Variants in SLC24A5 observed in about 807,000 individuals in gnomAD.
SLC24A5 encodes the protein solute carrier family 24 member 5.
Under a neutral mutation model 51.6 loss-of-function variants are expected in SLC24A5, and 46 were observed. The ratio of observed to expected loss-of-function variants is 0.89; its 90% CI spans 0.70 to 1.14. The LOEUF (loss-of-function observed/expected upper bound fraction) is 1.14. Ranked by LOEUF, SLC24A5 falls within the 50% of genes most tolerant of loss-of-function variation. The probability of loss-of-function intolerance (pLI) is 0.00; values close to 1 mark genes in which losing one functional copy is unlikely to be tolerated. For missense variants in SLC24A5, 581 were observed against 604.1 expected, an observed-to-expected ratio of 0.96 and a Z score of 0.40; for synonymous variants, 230 against 214.9, an observed-to-expected ratio of 1.07 and a Z score of -0.62.
At chr15:48,129,175 T>A (rs188067564) in intron 2 of SLC24A5, among the ~76,000 whole-genome samples, 2 of 152,220 alleles carry the variant, frequency 1.3e-5, no homozygotes, top group East Asian at 3.9e-4. Context: ...CAGAATTCAT[T>A]CTTTCATTGC....
At chr15:48,123,023 C>G (rs1450733027) in intron 2 of SLC24A5, 3 of 152,042 alleles carry the variant, frequency 2.0e-5, no homozygotes, top group Non-Finnish European at 4.4e-5. Flanking sequence ...TTTCCCATCA[C>G]CCCACCCCCA....
chr15:48,134,838 TGAA>T (rs1349731410), intron 4 of SLC24A5, 43 bp from the exon 5 acceptor site: 1 of 1,398,442 alleles, frequency 7.2e-7, no homozygotes, highest in Non-Finnish European at 1.0e-6. Flanking sequence ...GGATTGTACT[TGAA>T]GAAGTTACAA....
Position 48,121,293 on chromosome 15 carries a change from G to T in SLC24A5, c.121+128G>T, listed in dbSNP as rs974612716. 22 of 1,032,440 alleles carry T rather than the reference G, an allele frequency of 2.1e-5. No individual in the cohort carries two copies. In the Admixed American group the frequency reaches 7.1e-4, roughly 33 times the overall value. The allele number at this position is 1,032,440 out of a possible 1,614,324, so 64.0% of individuals were successfully genotyped here. Reference sequence around the variant, plus strand: ...CTTTTACTTACGCTTCTGAATTTTAGCATTTAAAAAGATATCAAACACTTT... The same window carrying T: ...CTTTTACTTACGCTTCTGAATTTTATCATTTAAAAAGATATCAAACACTTT... On this transcript the variant is annotated intron_variant, in intron 1 of 8. Coordinates refer to ENST00000341459, the MANE Select transcript of SLC24A5 (RefSeq NM_205850.3).
Position 48,121,013 on chromosome 15 carries a change from A to T in SLC24A5, c.-32A>T. Reference sequence around the variant, plus strand: ...TTAATCCTCCTCTTCTCCCTTCCTGAAGCTGCACGCTGCAGTAAGAGCACA... The same window carrying T: ...TTAATCCTCCTCTTCTCCCTTCCTGTAGCTGCACGCTGCAGTAAGAGCACA... On this transcript the variant is annotated 5_prime_UTR_variant, in exon 1 of 9. Coordinates refer to ENST00000341459, the MANE Select transcript of SLC24A5 (RefSeq NM_205850.3). 6.2e-7 allele frequency: 1 copy of T among 1,607,284 alleles called. No homozygotes were observed. The highest frequency in any genetic ancestry group is 8.5e-7 in the Non-Finnish European group (1 of 1,176,424).
chr15:48,140,323 T>C (rs1490095459), intron 7 of SLC24A5: 3 of 151,816 alleles, frequency 2.0e-5, no homozygotes, highest in Non-Finnish European at 4.4e-5. Context: ...TATCAATGTA[T>C]AAGCATGCAA....
chr15:48,141,989 AT>A, intron 8 of SLC24A5, 39 bp from the exon 9 acceptor site: 1 of 1,423,460 alleles, frequency 7.0e-7, no homozygotes, highest in South Asian at 1.3e-5. Flanking sequence ...AAAACACAGT[AT>A]TGGTAAGCAC....
rs1370603894 is a variant in SLC24A5, at chr15:48,136,832, T to TA, written c.740_741insA (p.Met248AspfsTer6). On this transcript the variant is annotated frameshift_variant, in exon 6 of 9. Transcript: ENST00000341459. LOFTEE classifies it high-confidence loss of function. ...ATGGAGAGAAGTGAACAACAGCCAC[T>TA]GATGGGCTGGGAAGATGAAGGTCAA... 1 of 1,613,860 alleles carries TA rather than the reference T, an allele frequency of 6.2e-7. No homozygotes were observed. The highest frequency in any genetic ancestry group is 1.1e-5 in the South Asian group (1 of 91,066).
rs184200025 is a variant in SLC24A5 at position 48,126,674 on chromosome 15, G to A, written c.301+4638G>A. 1.1e-3 allele frequency among the ~76,000 whole-genome samples: 175 copies of A among 152,266 alleles called. 1 individual carries two copies. Among genetic ancestry groups the A allele is most frequent in the African/African-American group, 4.1e-3 (170 of 41,544 alleles). On this transcript the variant is annotated intron_variant, in intron 2 of 8. Transcript: ENST00000341459. The stretch of plus-strand genomic sequence containing the variant: ...GTTGTGCTACTCTAGAATGTTACCC[G>A]GATGGATACCCTGAGGGGTGTGTAT...
At chr15:48,121,794 C>T in intron 1 of SLC24A5, 63 bp from the exon 2 acceptor site, 2 of 1,525,298 alleles carry the variant, frequency 1.3e-6, no homozygotes, top group Non-Finnish European at 1.8e-6. Context: ...TAAGGAAGCT[C>T]TCTGTGGGCT....
At position 48,126,006 on chromosome 15, in the gene SLC24A5, G is replaced by A. The variant is rs556182508; in HGVS notation, c.301+3970G>A. 8.5e-5 allele frequency among the ~76,000 whole-genome samples: 13 copies of A among 152,270 alleles called. No homozygotes were observed. The South Asian group carries it at 1.0e-3, about 12-fold the overall frequency. ...CTCAGGATTGTCATCTCCGTGCAGC[G>A]ATGAGCTGGAAGTGGAAGAGGGCAG... On this transcript the variant is annotated intron_variant, in intron 2 of 8. Coordinates refer to ENST00000341459, the MANE Select transcript of SLC24A5 (RefSeq NM_205850.3).
At chr15:48,127,620 AC>A (rs2038745275) in intron 2 of SLC24A5, among the ~76,000 whole-genome samples, 1 of 152,116 alleles carries the variant, frequency 6.6e-6, no homozygotes, top group Non-Finnish European at 1.5e-5. Context: ...GGAGTTCGAG[AC>A]CAGCCTGGCC....
chr15:48,141,139 G>A lies in SLC24A5; in HGVS notation c.1105G>A (p.Val369Ile), dbSNP rs2039067278. The change falls in exon 8 of 9, where the codon GTA (valine) becomes ATA (isoleucine). Residue 369 changes from valine to isoleucine, a missense_variant. Transcript: ENST00000341459. ...TGETLEIPDT[V>I]MGLTLLAAGT... ...GGAAACACTAGAAATTCCCGATACA[G>A]TAATGGGCCTTACTTTATTAGCAGC... 3 of 1,613,626 alleles carry A rather than the reference G, an allele frequency of 1.9e-6. No individual in the cohort carries two copies. Among genetic ancestry groups the A allele is most frequent in the South Asian group, 1.1e-5 (1 of 91,074 alleles).
intron 2 of SLC24A5, among the ~76,000 whole-genome samples, chr15:48,133,765 C>T (rs1218589039): frequency 2.6e-5 from 4 of 152,010 alleles, no homozygotes; most frequent in East Asian, 1.9e-4. Flanking sequence ...TCCCATATTC[C>T]GAATAATATT....
At chr15:48,135,567 A>G (rs1250368706) in intron 5 of SLC24A5, 1 of 152,436 alleles carries the variant, frequency 6.6e-6, no homozygotes, top group East Asian at 1.9e-4. Context: ...GAGTGGACAG[A>G]TACTAACTTT....
chr15:48,129,380 C>CA (rs1183281331), intron 2 of SLC24A5, among the ~76,000 whole-genome samples: 5 of 151,992 alleles, frequency 3.3e-5, no homozygotes, highest in African/African-American at 9.7e-5. Flanking sequence ...TTGCAAATCA[C>CA]AAAAAAGACA....
Position 48,141,109 on chromosome 15 carries a change from A to T in SLC24A5, c.1079-4A>T, listed in dbSNP as rs76547866. On this transcript the variant is annotated splice_region_variant and splice_polypyrimidine_tract_variant and intron_variant, in intron 7 of 8. Transcript: ENST00000341459. ...TTGTAACTTGAAATATCTGTTTATT[A>T]CAGGGGAAACACTAGAAATTCCCGA... is the stretch of plus-strand genomic sequence containing the variant. The T allele has an allele frequency of 0.014, 23,115 of 1,606,334 alleles. 224 individuals are homozygous for T. The highest frequency in any genetic ancestry group is 0.018 in the Non-Finnish European group (21,155 of 1,173,302).
chr15:48,128,464 C>G (rs2140714525), intron 2 of SLC24A5, among the ~76,000 whole-genome samples: 1 of 152,208 alleles, frequency 6.6e-6, no homozygotes, highest in African/African-American at 2.4e-5. Context: ...TGCTTATGTT[C>G]TACTTTACAT....
chr15:48,131,111 TACTTC>T (rs893762647), intron 2 of SLC24A5, among the ~76,000 whole-genome samples: 15 of 152,320 alleles, frequency 9.8e-5, no homozygotes, highest in Admixed American at 9.2e-4. Flanking sequence ...ATATATTATT[TACTTC>T]ATTTCTAAAA....
chr15:48,136,693 G>C lies in SLC24A5; in HGVS notation c.601G>C (p.Ala201Pro). Residue 201 changes from alanine (A) to proline (P), a missense_variant, in exon 6 of 9, where the codon GCT becomes CCT. Coordinates refer to ENST00000341459, the MANE Select transcript of SLC24A5 (RefSeq NM_205850.3). Reference sequence around the variant, plus strand: ...ATTTCTCTTTTGTAGGTATGAAGGGGCTTTACTGCTTTTGATATATGGATT... The same window carrying C: ...ATTTCTCTTTTGTAGGTATGAAGGGCCTTTACTGCTTTTGATATATGGATT... ...YDNQVYWYEG[A>P]LLLLIYGLYV... is the part of the protein sequence containing the mutation. The C allele has an allele frequency of 5.0e-6, 8 of 1,606,452 alleles. No homozygotes were observed. Among genetic ancestry groups the C allele is most frequent in the Non-Finnish European group, 6.8e-6 (8 of 1,175,906 alleles).
Sources: allele counts gnomAD v4.1 joint callset (sites outside exome capture counted in the v4.1 genomes callset), GRCh38; gene constraint gnomAD v4.1.1; transcripts MANE v1.5; gene names NCBI Gene and HGNC (gene_info 2026-07-23, HGNC 2026-07-21).